The following KIF22 variants were observed in gnomAD, a reference collection of about 807,000 sequenced individuals.
KIF22 encodes the protein kinesin family member 22.
In KIF22, 62 loss-of-function variants were observed where a neutral mutation model predicts 73.0. The observed-to-expected ratio is 0.85, with a 90% CI of 0.69 to 1.05. KIF22 has a LOEUF of 1.05. Ranked by LOEUF, KIF22 falls within the 50% of genes least tolerant of loss-of-function variation. The pLI is 0.00. For synonymous variants in KIF22, 411 were observed against 340.1 expected (o/e 1.21, Z -2.29); for missense variants, 854 against 870.1 (o/e 0.98, Z 0.23).
In KIF22 at chr16:29,797,119, G is replaced by A. The variant is rs745384934; in HGVS notation, c.266+31G>A. ...GTTCAGGCCACTCCTCTTCCCTCAT[G>A]CCATCACCTCCCTCTCCTAGGCCTG... On this transcript the variant is annotated intron_variant, in intron 2 of 13. Transcript: ENST00000160827. This position sits in a 1 kb window ranked among gnomAD's most constrained non-coding sequence, Gnocchi z 4.1. 1.3e-6 allele frequency: 2 copies of A among 1,495,538 alleles called. No homozygotes were observed. Among genetic ancestry groups the A allele is most frequent in the East Asian group, 2.4e-5 (1 of 42,078 alleles). 92.6% of individuals were successfully genotyped at this position (1,495,538 alleles called of 1,614,324 possible).
rs1227908789 is a variant in KIF22, at chr16:29,795,711, CTTTTT to C, written c.71-1179_71-1175del. Among the ~76,000 whole-genome samples the C allele has an allele frequency of 7.2e-5, 11 of 152,128 alleles. No individual in the cohort carries two copies. The East Asian group carries it at 1.4e-3, about 19-fold the overall frequency. ...ACCCCCACAAAAATAGAGGGCTTTT[CTTTTT>C]TTAAGTTTTATCTTCATTGTGTTTT... On this transcript the variant is annotated intron_variant, in intron 1 of 13. Transcript: ENST00000160827.
rs996336810 is a variant in KIF22 at position 29,797,458 on chromosome 16, G to A, written c.266+370G>A. ...GTGTCAGAGAAGACCACCCAGATTT[G>A]GGGACAGAACTCAGAAGGGCAGCTA... On this transcript the variant is annotated intron_variant, in intron 2 of 13. Transcript: ENST00000160827. This position sits in a 1 kb window ranked among gnomAD's most constrained non-coding sequence, Gnocchi z 4.1. 2.0e-5 allele frequency among the ~76,000 whole-genome samples: 3 copies of A among 152,062 alleles called. No homozygotes were observed. Among genetic ancestry groups the A allele is most frequent in the African/African-American group, 7.2e-5 (3 of 41,392 alleles).
Position 29,796,287 on chromosome 16 carries a change from ACAC to A in KIF22, c.71-605_71-603del, listed in dbSNP as rs1395991590. ...CTGTCTCAAAAAAAAAAAAAAAAAC[ACAC>A]ACACACACACACACAGAAAATTCTG... On this transcript the variant is annotated intron_variant, in intron 1 of 13. Coordinates refer to ENST00000160827, the MANE Select transcript of KIF22 (RefSeq NM_007317.3). Among the ~76,000 whole-genome samples, 114 of 135,812 alleles carry A rather than the reference ACAC, an allele frequency of 8.4e-4. 1 individual carries two copies. Among genetic ancestry groups the A allele is most frequent in the African/African-American group, 3.1e-3 (112 of 36,436 alleles). 89.1% of individuals were successfully genotyped at this position (135,812 alleles called of 152,430 possible). A position where few individuals can be genotyped will look rare whatever the true frequency, so the allele number is the denominator to read the frequency against.
At chr16:29,790,977 G>A in intron 1 of KIF22, 148 bp downstream of exon 1, 1 of 1,467,844 alleles carries the variant, frequency 6.8e-7, no homozygotes, top group Non-Finnish European at 9.1e-7. Context: ...GAGAGTGTGG[G>A]GTCGCGAGCC....
At chr16:29,795,002 A>G (rs990643781) in intron 1 of KIF22, among the ~76,000 whole-genome samples, 1 of 152,194 alleles carries the variant, frequency 6.6e-6, no homozygotes, top group African/African-American at 2.4e-5. Context: ...ACCAGAGTCT[A>G]CACTCTACCT....
In KIF22 at chr16:29,799,792, G is replaced by A. The variant is rs765241144; in HGVS notation, c.1144+11G>A. 1.3e-5 allele frequency: 21 copies of A among 1,613,704 alleles called. No individual in the cohort carries two copies. The highest frequency in any genetic ancestry group is 8.9e-5 in the East Asian group (4 of 44,878). On this transcript the variant is annotated intron_variant, in intron 7 of 13. Coordinates refer to ENST00000160827, the MANE Select transcript of KIF22 (RefSeq NM_007317.3). Reference sequence around the variant, plus strand: ...GCCTGCAGCCTCATGGTGAGAACTGGGGGAGGCAGGAGTGGAAACGCTGGG... The same window carrying A: ...GCCTGCAGCCTCATGGTGAGAACTGAGGGAGGCAGGAGTGGAAACGCTGGG...
intron 8 of KIF22, among the ~76,000 whole-genome samples, chr16:29,800,453 G>A (rs888711422): frequency 1.7e-4 from 25 of 150,274 alleles, no homozygotes; most frequent in African/African-American, 4.4e-4. Context: ...GCAAGACTCC[G>A]TCTCAAAGTA....
chr16:29,804,636 T>C (rs993258097), intron 11 of KIF22, 178 bp from the exon 12 acceptor site: 7 of 701,508 alleles, frequency 1.0e-5, no homozygotes, highest in Admixed American at 8.0e-5. Flanking sequence ...TCTCTTTCAC[T>C]AGTTGCATAA....
chr16:29,796,797 C>T, intron 1 of KIF22, 96 bp from the exon 2 acceptor site: 1 of 1,156,680 alleles, frequency 8.6e-7, no homozygotes. Context: ...GCTTCTCCAA[C>T]ATGAGCTGTG....
In KIF22 at chr16:29,798,279, A is replaced by C; in HGVS notation, c.267-95A>C. ...AAATCCAAGGTCCAGATGAGAGTAG[A>C]ATCCCTTACCCACCCCCACCCCACT... On this transcript the variant is annotated intron_variant, in intron 2 of 13. Transcript: ENST00000160827. The surrounding 1 kb of genome is among the most constrained non-coding windows in gnomAD (Gnocchi z 4.1). The C allele has an allele frequency of 6.5e-6, 10 of 1,528,514 alleles. No homozygotes were observed. The highest frequency in any genetic ancestry group is 8.8e-6 in the Non-Finnish European group (10 of 1,139,512). The allele number at this position is 1,528,514 out of a possible 1,614,324, so 94.7% of individuals were successfully genotyped here.
At chr16:29,803,380 G>GA in intron 9 of KIF22, 69 bp from the exon 10 acceptor site, 1 of 1,584,684 alleles carries the variant, frequency 6.3e-7, no homozygotes, top group Non-Finnish European at 8.6e-7. Context: ...TACTCACCCT[G>GA]GTAACCCACT....
chr16:29,798,506 G>C lies in KIF22; in HGVS notation c.394+5G>C. 6.2e-7 allele frequency: 1 copy of C among 1,614,132 alleles called. No individual in the cohort carries two copies. Among genetic ancestry groups the C allele is most frequent in the Non-Finnish European group, 8.5e-7 (1 of 1,180,040 alleles). On this transcript the variant is annotated splice_donor_5th_base_variant and intron_variant, in intron 3 of 13. Transcript: ENST00000160827. This position sits in a 1 kb window ranked among gnomAD's most constrained non-coding sequence, Gnocchi z 4.1. The stretch of plus-strand genomic sequence containing the variant: ...CCTATGGACCCACAGGAGCTGGTGA[G>C]GGAGCCAGAAAAGAAACAGCTATGG...
At chr16:29,791,044 T>C in intron 1 of KIF22, 1 of 1,415,520 alleles carries the variant, frequency 7.1e-7, no homozygotes, top group Non-Finnish European at 9.2e-7. Flanking sequence ...CTTGGGTCAG[T>C]AGACTCGGGT....
chr16:29,797,007 A>ATCCC lies in KIF22; in HGVS notation c.186_189dup (p.Pro64SerfsTer16). On this transcript the variant is annotated frameshift_variant, in exon 2 of 14. Transcript: ENST00000160827. LOFTEE classifies it high-confidence loss of function. This position sits in a 1 kb window ranked among gnomAD's most constrained non-coding sequence, Gnocchi z 4.1. The stretch of plus-strand genomic sequence containing the variant: ...GTGGATGGAACAGCGGGAGCAAGTG[A>ATCCC]TCCCCCCTGTGTGCGGGGCATGGAC... 1.2e-6 allele frequency: 2 copies of ATCCC among 1,613,958 alleles called. No homozygotes were observed. Among genetic ancestry groups the ATCCC allele is most frequent in the East Asian group, 4.5e-5 (2 of 44,870 alleles).
At chr16:29,801,573 C>T (rs1184801520) in intron 8 of KIF22, among the ~76,000 whole-genome samples, 2 of 152,186 alleles carry the variant, frequency 1.3e-5, no homozygotes, top group East Asian at 1.9e-4. Flanking sequence ...GTCAGACAGG[C>T]ACTCTGAGTA....
rs1305366173 is a variant in KIF22, at chr16:29,805,358, T to G, written c.*48T>G. 1 of 1,587,526 alleles carries G rather than the reference T, an allele frequency of 6.3e-7. No homozygotes were observed. The highest frequency in any genetic ancestry group is 1.3e-5 in the African/African-American group (1 of 74,408). ...TTTCAAATTTTTGTATAACCCCGTG[T>G]TGTGTAAATACAGTTTTTGCTCCGG... On this transcript the variant is annotated 3_prime_UTR_variant, in exon 14 of 14. Transcript: ENST00000160827.
chr16:29,798,323 C>T lies in KIF22; in HGVS notation c.267-51C>T, dbSNP rs746712514. On this transcript the variant is annotated intron_variant, in intron 2 of 13. Transcript: ENST00000160827. This position sits in a 1 kb window ranked among gnomAD's most constrained non-coding sequence, Gnocchi z 4.1. ...CCCCACTCCACCCCTTACACACACACACACACACACACACACACACACACG... is the reference window on the plus strand; with the variant it reads ...CCCCACTCCACCCCTTACACACACATACACACACACACACACACACACACG... 1 of 1,471,886 alleles carries T rather than the reference C, an allele frequency of 6.8e-7. No homozygotes were observed. Among genetic ancestry groups the T allele is most frequent in the Non-Finnish European group, 9.2e-7 (1 of 1,091,530 alleles). The allele number at this position is 1,471,886 out of a possible 1,614,324, so 91.2% of individuals were successfully genotyped here. A position where few individuals can be genotyped will look rare whatever the true frequency, so the allele number is the denominator to read the frequency against.
chr16:29,800,077 CT>C (rs776725772), intron 8 of KIF22, 29 bp downstream of exon 8: 2 of 1,590,904 alleles, frequency 1.3e-6, no homozygotes, highest in Non-Finnish European at 1.7e-6. Context: ...GGTGTATCCC[CT>C]TCCTGATGTA....
intron 1 of KIF22, chr16:29,791,155 C>T: frequency 8.0e-7 from 1 of 1,247,050 alleles, no homozygotes. Flanking sequence ...CCCTGGAGAT[C>T]ACCTGAATAA....
Sources: allele counts gnomAD v4.1 joint callset (sites outside exome capture counted in the v4.1 genomes callset), GRCh38; gene constraint gnomAD v4.1.1; non-coding constraint Gnocchi (gnomAD v3.1); transcripts MANE v1.5; gene names NCBI Gene and HGNC (gene_info 2026-07-23, HGNC 2026-07-21).